GNLY: variants seen among roughly 807,000 people sequenced by gnomAD.
GNLY encodes granulysin, also known as T-cell activation protein 519.
GNLY carries 15 observed loss-of-function variants against 18.5 expected under a neutral mutation model. The ratio of observed to expected loss-of-function variants is 0.81; its 90% CI spans 0.54 to 1.25. The LOEUF is 1.25. GNLY is among the 50% of genes most tolerant of loss of function. The pLI is 0.00. For synonymous variants in GNLY, 77 were observed against 74.9 expected (o/e 1.03, Z -0.14); for missense variants, 178 against 186.9 (o/e 0.95, Z 0.28).
At chr2:85,696,221 C>G (rs1247082307) in intron 3 of GNLY, 165 bp downstream of exon 3, 1 of 595,994 alleles carries the variant, frequency 1.7e-6, no homozygotes, top group East Asian at 2.8e-5. Context: ...GGATGAATTT[C>G]AGAGAACTTG....
chr2:85,695,891 T>A (rs1573493582), intron 2 of GNLY, 67 bp from the exon 3 acceptor site: 1 of 867,840 alleles, frequency 1.2e-6, no homozygotes, highest in East Asian at 2.5e-5. Flanking sequence ...AGGGCCCCTT[T>A]CCTGGGCACT....
intron 4 of GNLY, 79 bp from the exon 5 acceptor site, chr2:85,698,485 G>A: frequency 6.2e-7 from 1 of 1,609,588 alleles, no homozygotes; most frequent in African/African-American, 1.3e-5. Context: ...GGGACCTTAA[G>A]CAAGTAACAT....
At chr2:85,695,266 G>A in intron 1 of GNLY, 54 bp from the exon 2 acceptor site, 1 of 1,295,336 alleles carries the variant, frequency 7.7e-7, no homozygotes. Flanking sequence ...AGGAGAACGG[G>A]CTTTCCCTCT....
Position 85,695,999 on chromosome 2 carries a change from C to T in GNLY, c.198C>T (p.Tyr66=). 2 of 1,612,602 alleles carry T rather than the reference C, an allele frequency of 1.2e-6. No individual in the cohort carries two copies. The change falls in exon 3 of 5, where the codon TAC becomes TAT. Residue 66 remains tyrosine, a synonymous_variant. Transcript: ENST00000263863. ...AAACACAGGAGCTGGGCCGTGACTA[C>T]AGGACCTGTCTGACGATAGTCCAAA... ...LTKTQELGRD[Y]RTCLTIVQKL...
chr2:85,694,528 C>CACTCTCAGGTCCTGT, intron 1 of GNLY, 58 bp downstream of exon 1: 1 of 1,530,862 alleles, frequency 6.5e-7, no homozygotes, highest in Non-Finnish European at 9.0e-7. Context: ...CACTCTCAGG[C>CACTCTCAGGTCCTGT]TGGCTGAACC....
At chr2:85,695,272 C>T in intron 1 of GNLY, 48 bp from the exon 2 acceptor site, 3 of 1,353,646 alleles carry the variant, frequency 2.2e-6, no homozygotes, top group Non-Finnish European at 3.2e-6. Flanking sequence ...ACGGGCTTTC[C>T]CTCTCCTTCC....
chr2:85,696,336 C>A, intron 3 of GNLY: 1 of 372,200 alleles, frequency 2.7e-6, no homozygotes, highest in African/African-American at 2.0e-5. Flanking sequence ...TAGGAATCTT[C>A]CCCTAAAGCC....
At chr2:85,695,864 C>A in intron 2 of GNLY, 94 bp from the exon 3 acceptor site, 2 of 707,130 alleles carry the variant, frequency 2.8e-6, no homozygotes, top group Admixed American at 2.4e-5. Context: ...ACATTCCTGC[C>A]GGCCTCAGAA....
Position 85,698,602 on chromosome 2 carries a change from G to A in GNLY, c.*28G>A, listed in dbSNP as rs1377016132. ...CCTCTCACCTTGTCCTGTGGAAGAA[G>A]CACAGGCTCCTGTCCTCAGATCCCG... On this transcript the variant is annotated 3_prime_UTR_variant, in exon 5 of 5. Transcript: ENST00000263863. 1 of 1,613,642 alleles carries A rather than the reference G, an allele frequency of 6.2e-7. No homozygotes were observed. The highest frequency in any genetic ancestry group is 8.5e-7 in the Non-Finnish European group (1 of 1,179,794).
At chr2:85,697,261 C>T (rs1561285) in intron 3 of GNLY, 2 of 490,814 alleles carry the variant, frequency 4.1e-6, no homozygotes, top group East Asian at 3.6e-5. Context: ...GTGCACAAGG[C>T]GCTGAGACCC....
At position 85,694,483 on chromosome 2, in the gene GNLY, C is replaced by T. The variant is rs763832368; in HGVS notation, c.52+13C>T. 6 of 1,613,178 alleles carry T rather than the reference C, an allele frequency of 3.7e-6. No homozygotes were observed. The South Asian group carries it at 6.6e-5, about 18-fold the overall frequency. The stretch of plus-strand genomic sequence containing the variant: ...CTGGGCAACCCAGGTAAGGCCTTCC[C>T]CTCGGGATCGATCCTGATGGCCCAC... On this transcript the variant is annotated intron_variant, in intron 1 of 4. Coordinates refer to ENST00000263863, the MANE Select transcript of GNLY (RefSeq NM_006433.5).
chr2:85,694,860 G>A, intron 1 of GNLY: 1 of 1,532,768 alleles, frequency 6.5e-7, no homozygotes, highest in African/African-American at 1.4e-5. Flanking sequence ...GAGAGAACAA[G>A]ATCTCTTCTG....
chr2:85,695,360 G>C lies in GNLY; in HGVS notation c.93G>C (p.Leu31=), dbSNP rs1678399586. The C allele has an allele frequency of 6.2e-7, 1 of 1,613,806 alleles. No individual in the cohort carries two copies. Among genetic ancestry groups the C allele is most frequent in the Non-Finnish European group, 8.5e-7 (1 of 1,179,766 alleles). Residue 31 remains leucine (L), a synonymous_variant, in exon 2 of 5, where the codon CTG becomes CTC. Transcript: ENST00000263863. The part of the protein sequence containing the change: ...FSRLSPEYYD[L]ARAHLRDEEK... The stretch of plus-strand genomic sequence containing the variant: ...GTCTGAGCCCTGAGTACTACGACCT[G>C]GCAAGAGCCCACCTGCGTGATGAGG...
chr2:85,695,162 G>A, intron 1 of GNLY, 158 bp from the exon 2 acceptor site: 1 of 841,226 alleles, frequency 1.2e-6, no homozygotes, highest in Non-Finnish European at 1.9e-6. Flanking sequence ...GGTCAGAGCG[G>A]CTCCAGGGCA....
chr2:85,694,818 G>T lies in GNLY; in HGVS notation c.52+348G>T, dbSNP rs1008704415. The T allele has an allele frequency of 8.1e-6, 12 of 1,481,052 alleles. No individual in the cohort carries two copies. In the Admixed American group the frequency reaches 2.9e-4, roughly 36 times the overall value. The allele number at this position is 1,481,052 out of a possible 1,614,324, so 91.7% of individuals were successfully genotyped here. The stretch of plus-strand genomic sequence containing the variant: ...CATCGGTGGATCTGCGTTTCCTCGG[G>T]CCTACACTGTCTAGGATTGTGCGGG... On this transcript the variant is annotated intron_variant, in intron 1 of 4. Coordinates refer to ENST00000263863, the MANE Select transcript of GNLY (RefSeq NM_006433.5).
chr2:85,695,019 A>T, intron 1 of GNLY: 1 of 1,579,386 alleles, frequency 6.3e-7, no homozygotes, highest in African/African-American at 1.3e-5. Context: ...AATCCCTTGA[A>T]AGGAGATTGA....
intron 1 of GNLY, 197 bp from the exon 2 acceptor site, chr2:85,695,123 C>T (rs549148580): frequency 2.5e-5 from 24 of 956,252 alleles, no homozygotes; most frequent in South Asian, 7.8e-5. Flanking sequence ...CTAGAAGGAA[C>T]GTGAGAACAC....
Position 85,694,437 on chromosome 2 carries a change from C to CTGCTCCTTGCAGCCA in GNLY, c.27_41dup (p.Ala10_Leu14dup). On this transcript the variant is annotated inframe_insertion, in exon 1 of 5. Coordinates refer to ENST00000263863, the MANE Select transcript of GNLY (RefSeq NM_006433.5). ...CCCCACCATGGCTACCTGGGCCCTC[C>CTGCTCCTTGCAGCCA]TGCTCCTTGCAGCCATGCTCCTGGG... 6.2e-7 allele frequency: 1 copy of CTGCTCCTTGCAGCCA among 1,614,142 alleles called. No individual in the cohort carries two copies. Among genetic ancestry groups the CTGCTCCTTGCAGCCA allele is most frequent in the South Asian group, 1.1e-5 (1 of 91,076 alleles).
chr2:85,694,470 G>T lies in GNLY; in HGVS notation c.52G>T (p.Gly18Cys). Residue 18 changes from glycine to cysteine, a missense_variant and splice_region_variant, in exon 1 of 5, where the codon GGT becomes TGT. Physicochemically the swap from Gly to Cys is radical, Grantham distance 159 (BLOSUM62 -3). Coordinates refer to ENST00000263863, the MANE Select transcript of GNLY (RefSeq NM_006433.5). ...TGCAGCCATGCTCCTGGGCAACCCA[G>T]GTAAGGCCTTCCCCTCGGGATCGAT... ...LLAAMLLGNP[G>C]LVFSRLSPEY... The T allele has an allele frequency of 6.2e-7, 1 of 1,613,852 alleles. No homozygotes were observed. Among genetic ancestry groups the T allele is most frequent in the Non-Finnish European group, 8.5e-7 (1 of 1,179,814 alleles).
Sources: allele counts gnomAD v4.1 joint callset, GRCh38; gene constraint gnomAD v4.1.1; transcripts MANE v1.5; gene names NCBI Gene and HGNC (gene_info 2026-07-23, HGNC 2026-07-21).